HHIPL2: variants seen among roughly 807,000 people sequenced by gnomAD.
HHIPL2 encodes the protein HHIP like 2, also known as HHIP-like protein 2.
HHIPL2 carries 61 observed loss-of-function variants against 61.0 expected under a neutral mutation model. The observed-to-expected ratio is 1.00, with a 90% CI of 0.81 to 1.24. HHIPL2 has a LOEUF of 1.24. Among genes scored for constraint, HHIPL2 ranks in the 50% most tolerant of loss-of-function variants. The probability of loss-of-function intolerance (pLI) is 0.00; values close to 1 mark genes in which losing one functional copy is unlikely to be tolerated. For missense variants in HHIPL2, 885 were observed against 910.2 expected, an observed-to-expected ratio of 0.97 and a Z score of 0.36; for synonymous variants, 343 against 357.4, an observed-to-expected ratio of 0.96 and a Z score of 0.45.
chr1:222,523,763 A>G, intron 7 of HHIPL2, 69 bp from the exon 8 acceptor site: 1 of 1,458,490 alleles, frequency 6.9e-7, no homozygotes, highest in Non-Finnish European at 9.6e-7. Context: ...CAAGGTTACC[A>G]GAGGGCGTAT....
rs780820230 is a variant in HHIPL2 at position 222,547,947 on chromosome 1, A to G, written c.98T>C (p.Leu33Ser). Reference protein sequence around the residue: ...GILCLCLIFLLGQVGLLQGHP... With the variant: ...GILCLCLIFLSGQVGLLQGHP... ...TCCCTGCAGCAAGCCCACCTGGCCC[A>G]ACAAGAATATGAGGCAGAGGCAGAG... The change falls in exon 1 of 9, where the codon TTG becomes TCG. Residue 33 changes from leucine (L) to serine (S), a missense_variant. Physicochemically the swap from Leu to Ser is moderately radical, Grantham distance 145. Transcript: ENST00000343410. 1.2e-6 allele frequency: 2 copies of G among 1,612,958 alleles called. No homozygotes were observed. The highest frequency in any genetic ancestry group is 3.3e-5 in the Admixed American group (2 of 59,956).
At chr1:222,528,091 C>T (rs940830100) in intron 6 of HHIPL2, among the ~76,000 whole-genome samples, 2 of 152,196 alleles carry the variant, frequency 1.3e-5, no homozygotes, top group African/African-American at 2.4e-5. Flanking sequence ...GTAACTACCT[C>T]ATTCCACATT....
chr1:222,547,279 C>G (rs1014106450), intron 1 of HHIPL2, among the ~76,000 whole-genome samples: 1 of 152,152 alleles, frequency 6.6e-6, no homozygotes, highest in Admixed American at 6.5e-5. Context: ...TGCCCTGGCA[C>G]AAATCACCCA....
intron 5 of HHIPL2, 49 bp from the exon 6 acceptor site, chr1:222,532,160 G>A: frequency 1.3e-6 from 2 of 1,525,566 alleles, no homozygotes; most frequent in Non-Finnish European, 1.8e-6. Context: ...TATCCACTCT[G>A]CAGAATACTT....
intron 6 of HHIPL2, among the ~76,000 whole-genome samples, chr1:222,527,449 G>A (rs74148118): frequency 0.019 from 2,936 of 152,062 alleles, 85 homozygotes; most frequent in African/African-American, 0.064. Context: ...TCTGTCAATC[G>A]CTTTATTTTG....
At chr1:222,523,795 C>T (rs1291746314) in intron 7 of HHIPL2, 101 bp from the exon 8 acceptor site, 2 of 1,080,382 alleles carry the variant, frequency 1.9e-6, no homozygotes, top group African/African-American at 3.1e-5. Context: ...TTGGGGTCAG[C>T]CTTTACTTAT....
At chr1:222,534,669 TACACACAC>T (rs10650864) in intron 5 of HHIPL2, among the ~76,000 whole-genome samples, 2 of 148,192 alleles carry the variant, frequency 1.3e-5, no homozygotes, top group African/African-American at 2.5e-5. Context: ...ACATTGAGAT[TACACACAC>T]ACACACACAC....
chr1:222,545,825 G>A (rs1454123475), intron 1 of HHIPL2, among the ~76,000 whole-genome samples: 3 of 152,000 alleles, frequency 2.0e-5, no homozygotes, highest in African/African-American at 7.3e-5. Context: ...AAGGTCAGGA[G>A]TTCAAGACCA....
intron 2 of HHIPL2, 37 bp downstream of exon 2, chr1:222,543,500 C>A: frequency 6.4e-7 from 1 of 1,561,356 alleles, no homozygotes; most frequent in Admixed American, 1.9e-5. Context: ...TATTTCGGAA[C>A]ACAGTACAGC....
chr1:222,547,456 T>C (rs1051258051), intron 1 of HHIPL2, among the ~76,000 whole-genome samples: 18 of 152,124 alleles, frequency 1.2e-4, no homozygotes, highest in East Asian at 1.9e-4. Context: ...CTCTGAGAGC[T>C]CCAGGAAGAG....
intron 5 of HHIPL2, among the ~76,000 whole-genome samples, chr1:222,538,198 GTGTGTGTGTGTGTGTGTGT>G (rs1659343461): frequency 2.0e-4 from 7 of 34,270 alleles, no homozygotes; most frequent in East Asian, 3.7e-3. Flanking sequence ...TGGCTGGGGT[GTGTGTGTGTGTGTGTGTGT>G]GTGTGTGTGT....
intron 6 of HHIPL2, among the ~76,000 whole-genome samples, chr1:222,527,846 CTT>C (rs926942047): frequency 6.6e-6 from 1 of 152,188 alleles, no homozygotes; most frequent in Admixed American, 6.5e-5. Flanking sequence ...CATTTTCTCT[CTT>C]GTCTGCCACC....
Position 222,540,268 on chromosome 1 carries a change from G to T in HHIPL2, c.1192C>A (p.Pro398Thr), listed in dbSNP as rs865799780. 2.5e-6 allele frequency: 4 copies of T among 1,614,130 alleles called. No homozygotes were observed. The highest frequency in any genetic ancestry group is 3.4e-6 in the Non-Finnish European group (4 of 1,180,048). ...AGSHGKRYRVPSDNPFVSEPG... is the reference protein window; with the variant it reads ...AGSHGKRYRVTSDNPFVSEPG... ...TCAGAAACAAATGGATTGTCCGAGG[G>T]GACTCGGTACCGCTTGCCATGTGAG... The change falls in exon 4 of 9, where the codon CCC becomes ACC. Residue 398 changes from proline (P) to threonine (T), a missense_variant. Transcript: ENST00000343410.
intron 6 of HHIPL2, among the ~76,000 whole-genome samples, chr1:222,528,945 T>C (rs1247106670): frequency 6.6e-6 from 1 of 151,922 alleles, no homozygotes; most frequent in Non-Finnish European, 1.5e-5. Flanking sequence ...CTCAGTCTTT[T>C]GAGCAGCTGG....
In HHIPL2 at chr1:222,522,364, C is replaced by T; in HGVS notation, c.*237G>A. Reference sequence around the variant, plus strand: ...AAGCAGGCTCATGGACTAGTGCTTACCATAACCCAGGTGCACCAGCAATCT... The same window carrying T: ...AAGCAGGCTCATGGACTAGTGCTTATCATAACCCAGGTGCACCAGCAATCT... On this transcript the variant is annotated 3_prime_UTR_variant, in exon 9 of 9. Transcript: ENST00000343410. The T allele has an allele frequency of 1.8e-6, 1 of 566,848 alleles. No individual in the cohort carries two copies. The highest frequency in any genetic ancestry group is 2.3e-5 in the South Asian group (1 of 42,832). The allele number at this position is 566,848 out of a possible 1,614,324, so 35.1% of individuals were successfully genotyped here.
Position 222,523,641 on chromosome 1 carries a change from C to T in HHIPL2, c.1859G>A (p.Ser620Asn). Reference protein sequence around the residue: ...KYKPVPVRTKSKRIPFRPLAK... With the variant: ...KYKPVPVRTKNKRIPFRPLAK... ...GAGTGGTCTGAACGGGATCCGCTTA[C>T]TCTTGGTTCTCACGGGCACTGGCTT... Residue 620 changes from serine to asparagine, a missense_variant, in exon 8 of 9, where the codon AGT (serine) becomes AAT (asparagine). Coordinates refer to ENST00000343410, the MANE Select transcript of HHIPL2 (RefSeq NM_024746.4). 2 of 1,614,176 alleles carry T rather than the reference C, an allele frequency of 1.2e-6. No individual in the cohort carries two copies. Among genetic ancestry groups the T allele is most frequent in the Non-Finnish European group, 1.7e-6 (2 of 1,180,016 alleles).
chr1:222,543,819 C>A lies in HHIPL2; in HGVS notation c.692G>T (p.Arg231Leu). The A allele has an allele frequency of 6.2e-7, 1 of 1,614,120 alleles. No homozygotes were observed. Among genetic ancestry groups the A allele is most frequent in the Non-Finnish European group, 8.5e-7 (1 of 1,180,014 alleles). The change falls in exon 2 of 9, where the codon CGC (arginine) becomes CTC (leucine). Residue 231 changes from arginine (R) to leucine (L), a missense_variant. Coordinates refer to ENST00000343410, the MANE Select transcript of HHIPL2 (RefSeq NM_024746.4). ...SMVHAGDGTH[R>L]FFVAEQVGVV... ...TCCTACCTGCTCGGCAACAAAGAAGCGATGGGTGCCGTCCCCAGCATGGAC... is the reference window on the plus strand; with the variant it reads ...TCCTACCTGCTCGGCAACAAAGAAGAGATGGGTGCCGTCCCCAGCATGGAC...
rs370180398 is a variant in HHIPL2 at position 222,547,843 on chromosome 1, C to A, written c.202G>T (p.Gly68Cys). ...CGGTCCTTGTGCTGATCACAGCAGC[C>A]GAAGGACTCATAGTCAGAGCAAAAC... ...LEFCSDYESF[G>C]CCDQHKDRRI... Residue 68 changes from glycine to cysteine, a missense_variant, in exon 1 of 9, where the codon GGC becomes TGC. By Grantham distance (159) the Gly-to-Cys change is radical (BLOSUM62 -3). Transcript: ENST00000343410. The A allele has an allele frequency of 2.4e-5, 38 of 1,614,118 alleles. No individual in the cohort carries two copies. In the African/African-American group the frequency reaches 4.3e-4, roughly 18 times the overall value.
chr1:222,529,635 A>G (rs1304280834), intron 6 of HHIPL2, among the ~76,000 whole-genome samples: 1 of 152,248 alleles, frequency 6.6e-6, no homozygotes, highest in African/African-American at 2.4e-5. Flanking sequence ...AAAAAACTAT[A>G]ATATGCCATT....
Sources: gnomAD v4.1 joint callset for allele counts (sites outside exome capture counted in the v4.1 genomes callset) on GRCh38, gnomAD v4.1.1 for gene constraint, MANE v1.5 for transcripts, NCBI Gene and HGNC (gene_info 2026-07-23, HGNC 2026-07-21) for gene names.